AKT3: variants seen among roughly 807,000 people sequenced by gnomAD.
The protein encoded by AKT3 is AKT serine/threonine kinase 3.
In AKT3, 15 loss-of-function variants were observed where a neutral mutation model predicts 65.3. The observed-to-expected ratio is 0.23, with a 90% CI of 0.15 to 0.35. The LOEUF is 0.35. AKT3 is among the 10% of genes least tolerant of loss of function. AKT3 has a pLI of 1.00. For synonymous variants in AKT3, 206 were observed against 183.8 expected (o/e 1.12, Z -0.98); for missense variants, 243 against 576.5 (o/e 0.42, Z 5.92).
chr1:243,491,843 C>T (rs1024320624), intron 13 of AKT3, among the ~76,000 whole-genome samples: 4 of 152,218 alleles, frequency 2.6e-5, no homozygotes, highest in Admixed American at 2.0e-4. Context: ...TCCTCATGTC[C>T]GGGTTAGAGA....
chr1:243,798,946 C>T (rs1172694348), intron 2 of AKT3, among the ~76,000 whole-genome samples: 4 of 152,178 alleles, frequency 2.6e-5, no homozygotes, highest in African/African-American at 9.6e-5. Context: ...TTCTGTTCAT[C>T]GCTAAAGTAT....
At chr1:243,654,791 A>T (rs1681636978) in intron 4 of AKT3, among the ~76,000 whole-genome samples, 1 of 152,172 alleles carries the variant, frequency 6.6e-6, no homozygotes, top group Admixed American at 6.5e-5. Context: ...TCCATCCCAC[A>T]TATTGACATT....
At chr1:243,833,949 T>C (rs1429710973) in intron 2 of AKT3, among the ~76,000 whole-genome samples, 3 of 151,944 alleles carry the variant, frequency 2.0e-5, no homozygotes, top group African/African-American at 4.8e-5. Context: ...TAAAACTGTA[T>C]ATAGGATTCT....
chr1:243,526,594 T>C (rs1377711815), intron 12 of AKT3, among the ~76,000 whole-genome samples: 3 of 151,992 alleles, frequency 2.0e-5, no homozygotes, highest in East Asian at 3.9e-4. Flanking sequence ...CAAAAATATC[T>C]TGAAAACAGC....
chr1:243,667,043 T>C (rs1279366619), intron 3 of AKT3, among the ~76,000 whole-genome samples: 2 of 151,992 alleles, frequency 1.3e-5, no homozygotes, highest in Non-Finnish European at 2.9e-5. Context: ...ACACAGCAAA[T>C]CACTACCCCA....
rs561715407 is a variant in AKT3 at position 243,555,795 on chromosome 1, T to C, written c.949-2852A>G. ...ATAAATGCAGATCAAAATATGCTCC[T>C]GAAAAAATCCAGTGAAAGATTTATC... is the stretch of plus-strand genomic sequence containing the variant. On this transcript the variant is annotated intron_variant, in intron 10 of 13. Coordinates refer to ENST00000673466, the MANE Select transcript of AKT3 (RefSeq NM_005465.7). Among the ~76,000 whole-genome samples, 3 of 152,272 alleles carry C rather than the reference T, an allele frequency of 2.0e-5. No individual in the cohort carries two copies. The South Asian group carries it at 6.2e-4, about 32-fold the overall frequency.
At chr1:243,840,148 G>A (rs1246524164) in intron 2 of AKT3, among the ~76,000 whole-genome samples, 2 of 152,150 alleles carry the variant, frequency 1.3e-5, no homozygotes, top group African/African-American at 4.8e-5. Context: ...TCCAGCCTGG[G>A]TGACAGAACG....
At chr1:243,700,517 T>C (rs1176632806) in intron 2 of AKT3, among the ~76,000 whole-genome samples, 1 of 151,616 alleles carries the variant, frequency 6.6e-6, no homozygotes, top group African/African-American at 2.4e-5. Context: ...TTTTTTTTTT[T>C]TTTTTGAGAC....
chr1:243,519,902 C>T (rs1477864161), intron 12 of AKT3, among the ~76,000 whole-genome samples: 1 of 152,214 alleles, frequency 6.6e-6, no homozygotes, highest in Non-Finnish European at 1.5e-5. Flanking sequence ...TAGCTGGTAT[C>T]ATGGCTTACA....
At chr1:243,658,060 T>C (rs1043509020) in intron 4 of AKT3, among the ~76,000 whole-genome samples, 14 of 152,106 alleles carry the variant, frequency 9.2e-5, no homozygotes, top group Non-Finnish European at 1.5e-4. Flanking sequence ...CATAATTTGG[T>C]CTTTAGAAAT....
At chr1:243,723,427 T>C (rs1687032625) in intron 2 of AKT3, among the ~76,000 whole-genome samples, 1 of 152,212 alleles carries the variant, frequency 6.6e-6, no homozygotes, top group Non-Finnish European at 1.5e-5. Flanking sequence ...CGGTCCTCCA[T>C]CTCCAGATCT....
chr1:243,535,589 T>C (rs1474841805), intron 12 of AKT3, among the ~76,000 whole-genome samples: 1 of 152,230 alleles, frequency 6.6e-6, no homozygotes, highest in African/African-American at 2.4e-5. Context: ...CCAAGGTGTG[T>C]CTGTGTGCAC....
intron 12 of AKT3, among the ~76,000 whole-genome samples, chr1:243,530,496 C>G (rs1300340120): frequency 6.6e-6 from 1 of 152,116 alleles, no homozygotes; most frequent in Non-Finnish European, 1.5e-5. Context: ...ATACAACATA[C>G]CAGAATCTCT....
At chr1:243,601,453 G>A (rs1270866691) in intron 8 of AKT3, among the ~76,000 whole-genome samples, 1 of 152,136 alleles carries the variant, frequency 6.6e-6, no homozygotes, top group Non-Finnish European at 1.5e-5. Flanking sequence ...GTGTGGTGAT[G>A]TTGTCAAGTA....
chr1:243,567,278 C>T (rs1285475131), intron 9 of AKT3, among the ~76,000 whole-genome samples: 1 of 151,978 alleles, frequency 6.6e-6, no homozygotes, highest in African/African-American at 2.4e-5. Flanking sequence ...GAGTGAAATC[C>T]TGTCTCAAAA....
intron 12 of AKT3, among the ~76,000 whole-genome samples, chr1:243,544,666 A>G (rs973247710): frequency 6.6e-6 from 1 of 151,352 alleles, no homozygotes; most frequent in Admixed American, 6.6e-5. Flanking sequence ...ATCACAATAA[A>G]ACTAAACATA....
chr1:243,824,592 G>C (rs9428980), intron 2 of AKT3, among the ~76,000 whole-genome samples: 7,161 of 151,218 alleles, frequency 0.047, 577 homozygotes, highest in African/African-American at 0.16. Context: ...AGTGGGCAAA[G>C]AACATAAACA....
chr1:243,602,622 C>T (rs944112469), intron 8 of AKT3, among the ~76,000 whole-genome samples: 3 of 152,000 alleles, frequency 2.0e-5, no homozygotes, highest in Admixed American at 6.6e-5. Context: ...AAAATGCCAG[C>T]CAAATGAGAA....
intron 2 of AKT3, among the ~76,000 whole-genome samples, chr1:243,766,728 A>T (rs921753558): frequency 6.6e-6 from 1 of 152,192 alleles, no homozygotes; most frequent in Admixed American, 6.5e-5. Flanking sequence ...AGTAGTGAAG[A>T]AAAGTTTCCT....
Sources: allele counts gnomAD v4.1 joint callset (sites outside exome capture counted in the v4.1 genomes callset), GRCh38; gene constraint gnomAD v4.1.1; transcripts MANE v1.5; gene names NCBI Gene and HGNC (gene_info 2026-07-23, HGNC 2026-07-21).